EP400: variants seen among roughly 807,000 people sequenced by gnomAD.
EP400 encodes E1A-binding protein p400.
Under a neutral mutation model 354.1 loss-of-function variants are expected in EP400, and 105 were observed. The ratio of observed to expected loss-of-function variants is 0.30; its 90% confidence interval spans 0.25 to 0.35. The LOEUF (loss-of-function observed/expected upper bound fraction) is 0.35. EP400 is among the 10% of genes least tolerant of loss of function. EP400 has a pLI of 1.00. For synonymous variants in EP400, 1,646 were observed against 1,716.9 expected (o/e 0.96, Z 1.02); for missense variants, 3,280 against 4,121.0 (o/e 0.80, Z 5.59).
chr12:132,067,609 A>G lies in EP400; in HGVS notation c.8874+123A>G, dbSNP rs1895934119. 1 of 1,395,446 alleles carries G rather than the reference A, an allele frequency of 7.2e-7. No individual in the cohort carries two copies. The highest frequency in any genetic ancestry group is 1.4e-5 in the South Asian group (1 of 73,544). The allele number at this position is 1,395,446 out of a possible 1,614,324, so 86.4% of individuals were successfully genotyped here. A position where few individuals can be genotyped will look rare whatever the true frequency, so the allele number is the denominator to read the frequency against. On this transcript the variant is annotated intron_variant, in intron 50 of 52. Coordinates refer to ENST00000389561, the MANE Select transcript of EP400 (RefSeq NM_015409.5). The surrounding 1 kb of genome is among the most constrained non-coding windows in gnomAD (Gnocchi z 5.3). ...CTCACGCTTTTCAGAGGGTGGCTTC[A>G]AGGGCTGGAGGTGCTAGTGTGGTCA...
chr12:132,022,684 T>C (rs540920932), intron 23 of EP400, among the ~76,000 whole-genome samples: 4 of 151,836 alleles, frequency 2.6e-5, no homozygotes, highest in African/African-American at 7.3e-5. Context: ...AAACAGTAAA[T>C]GTTATAGATT....
At chr12:132,023,489 GT>G (rs1894196564) in intron 23 of EP400, among the ~76,000 whole-genome samples, 2 of 151,898 alleles carry the variant, frequency 1.3e-5, no homozygotes, top group African/African-American at 2.4e-5. Flanking sequence ...CGGTAGAAAA[GT>G]AAAATGTTCC....
chr12:132,054,849 G>A lies in EP400; in HGVS notation c.7729-125G>A. 1.0e-6 allele frequency: 1 copy of A among 978,078 alleles called. No individual in the cohort carries two copies. The highest frequency in any genetic ancestry group is 1.6e-6 in the Non-Finnish European group (1 of 617,458). The allele number at this position is 978,078 out of a possible 1,614,324, so 60.6% of individuals were successfully genotyped here. A position where few individuals can be genotyped will look rare whatever the true frequency, so the allele number is the denominator to read the frequency against. ...CAGGTGGAATGAGCTGGGGAGGATG[G>A]GACAGGTGGCTGTGTGAATGTCGTG... On this transcript the variant is annotated intron_variant, in intron 43 of 52. Transcript: ENST00000389561. The surrounding 1 kb of genome is among the most constrained non-coding windows in gnomAD (Gnocchi z 4.0).
chr12:131,987,580 C>A, intron 6 of EP400, 125 bp from the exon 7 acceptor site: 2 of 750,284 alleles, frequency 2.7e-6, no homozygotes, highest in East Asian at 2.9e-5. Flanking sequence ...GGACCTTGTG[C>A]TTTCTCTCTT....
intron 2 of EP400, among the ~76,000 whole-genome samples, chr12:131,978,043 A>T (rs565976788): frequency 1.4e-3 from 208 of 152,362 alleles, no homozygotes; most frequent in African/African-American, 4.9e-3. Flanking sequence ...ATTTACTTTA[A>T]TGGCAAGGAT....
chr12:132,004,432 A>T (rs1030547970), intron 12 of EP400, among the ~76,000 whole-genome samples: 6 of 151,694 alleles, frequency 4.0e-5, no homozygotes, highest in South Asian at 2.1e-4. Flanking sequence ...AGTGTTTTAT[A>T]AAAAAAGCTT....
intron 2 of EP400, among the ~76,000 whole-genome samples, chr12:131,978,868 A>G (rs1674083552): frequency 6.6e-6 from 1 of 152,038 alleles, no homozygotes; most frequent in African/African-American, 2.4e-5. Flanking sequence ...ATATCTCTAT[A>G]TATCTCACAT....
chr12:132,002,274 A>G (rs974585950), intron 12 of EP400, among the ~76,000 whole-genome samples: 8 of 152,186 alleles, frequency 5.3e-5, no homozygotes, highest in Admixed American at 1.3e-4. Context: ...CCTAATTTTA[A>G]AATTTATCTT....
chr12:131,974,309 T>G (rs1385333539), intron 2 of EP400, among the ~76,000 whole-genome samples: 1 of 151,992 alleles, frequency 6.6e-6, no homozygotes, highest in East Asian at 1.9e-4. Context: ...GAAATGGAGG[T>G]CTCACTTTGT....
At chr12:131,992,583 T>C (rs1893077086) in intron 11 of EP400, among the ~76,000 whole-genome samples, 1 of 152,178 alleles carries the variant, frequency 6.6e-6, no homozygotes, top group African/African-American at 2.4e-5. Flanking sequence ...GCCATTGGGA[T>C]TTCAGGAGAA....
intron 30 of EP400, among the ~76,000 whole-genome samples, chr12:132,033,946 A>C (rs903264225): frequency 5.3e-5 from 8 of 152,208 alleles, no homozygotes; most frequent in African/African-American, 1.7e-4. Flanking sequence ...TCGAGGGAAA[A>C]AAGGAGAGCC....
intron 2 of EP400, among the ~76,000 whole-genome samples, chr12:131,975,704 C>T (rs1024861820): frequency 2.0e-5 from 3 of 151,976 alleles, no homozygotes; most frequent in African/African-American, 7.3e-5. Context: ...GGAGTACAGG[C>T]CTGTGCCACC....
intron 2 of EP400, among the ~76,000 whole-genome samples, chr12:131,970,155 AT>A (rs1026193409): frequency 2.0e-5 from 3 of 152,256 alleles, no homozygotes; most frequent in Non-Finnish European, 4.4e-5. Context: ...AATAGAATAT[AT>A]TAATGCATTT....
chr12:132,006,262 A>G lies in EP400; in HGVS notation c.3086A>G (p.Glu1029Gly). 6.2e-7 allele frequency: 1 copy of G among 1,614,238 alleles called. No individual in the cohort carries two copies. The highest frequency in any genetic ancestry group is 2.2e-5 in the East Asian group (1 of 44,880). The change falls in exon 14 of 53, where the codon GAA becomes GGA. Residue 1029 changes from glutamate to glycine, a missense_variant. Coordinates refer to ENST00000389561, the MANE Select transcript of EP400 (RefSeq NM_015409.5). Reference sequence around the variant, plus strand: ...ATTGCGGACGTCACTGCGGTGGCTGAAGCCATCCTGCCGAAGGGCAGTGCT... The same window carrying G: ...ATTGCGGACGTCACTGCGGTGGCTGGAGCCATCCTGCCGAAGGGCAGTGCT... ...KDIADVTAVA[E>G]AILPKGSARV...
intron 10 of EP400, 21 bp from the exon 11 acceptor site, chr12:131,992,152 T>C (rs1485356650): frequency 1.2e-6 from 2 of 1,603,270 alleles, no homozygotes; most frequent in African/African-American, 2.7e-5. Flanking sequence ...ATGCTTGTGG[T>C]TTTTCTTTCT....
chr12:132,014,792 A>G (rs1406443993), intron 19 of EP400, among the ~76,000 whole-genome samples: 2 of 152,172 alleles, frequency 1.3e-5, no homozygotes, highest in East Asian at 1.9e-4. Flanking sequence ...GGGAGATGAC[A>G]TGGGGACCCT....
At chr12:132,064,285 A>G (rs184179872) in intron 47 of EP400, among the ~76,000 whole-genome samples, 1 of 152,352 alleles carries the variant, frequency 6.6e-6, no homozygotes, top group Admixed American at 6.5e-5. Context: ...CCAGCATTTC[A>G]AAAGAGACTT....
chr12:131,986,376 G>A (rs963797409), intron 5 of EP400, 138 bp from the exon 6 acceptor site: 30 of 782,780 alleles, frequency 3.8e-5, no homozygotes, highest in African/African-American at 7.0e-5. Flanking sequence ...GATACGATGT[G>A]ATTTGTCTGC....
chr12:132,062,596 G>T lies in EP400; in HGVS notation c.8229G>T (p.Gln2743His), dbSNP rs767111270. Residue 2743 changes from glutamine to histidine, a missense_variant, in exon 47 of 53, where the codon CAG (glutamine) becomes CAT (histidine). By Grantham distance (24) the Gln-to-His change is conservative. Coordinates refer to ENST00000389561, the MANE Select transcript of EP400 (RefSeq NM_015409.5). The part of the protein sequence containing the change: ...QQQQQQQQQQ[Q>H]QQQQQTTTTS... The stretch of plus-strand genomic sequence containing the variant: ...AGCAGCAGCAGCAGCAGCAGCAACA[G>T]CAGCAGCAGCAACAGACGACGACGA... 3.1e-5 allele frequency: 46 copies of T among 1,482,246 alleles called. No homozygotes were observed. The East Asian group carries it at 9.7e-4, about 31-fold the overall frequency. The allele number at this position is 1,482,246 out of a possible 1,614,324, so 91.8% of individuals were successfully genotyped here.
Sources: allele counts gnomAD v4.1 joint callset (sites outside exome capture counted in the v4.1 genomes callset), GRCh38; gene constraint gnomAD v4.1.1; non-coding constraint Gnocchi (gnomAD v3.1); transcripts MANE v1.5; gene names NCBI Gene and HGNC (gene_info 2026-07-23, HGNC 2026-07-21).